IQSEC2: variants seen among roughly 807,000 people sequenced by gnomAD.
The protein encoded by IQSEC2 is IQ motif and Sec7 domain ArfGEF 2.
In IQSEC2, 6 loss-of-function variants were observed where a neutral mutation model predicts 74.6. That is an observed-to-expected ratio of 0.08 (90% CI 0.04 to 0.16). The LOEUF is 0.16. Among genes scored for constraint, IQSEC2 ranks in the 10% least tolerant of loss-of-function variants. IQSEC2 has a pLI of 1.00. For missense variants in IQSEC2, 734 were observed against 1,306.2 expected (o/e 0.56, Z 6.75); for synonymous variants, 494 against 544.5 (o/e 0.91, Z 1.29).
rs781894267 is a variant in IQSEC2 at position 53,270,923 on chromosome X, C to G, written c.738-14862G>C. The stretch of plus-strand genomic sequence containing the variant: ...CTCTATGCCCACGACCTTGGCTTCT[C>G]TCTCCCTTGGATTACTGCATAGCCT... On this transcript the variant is annotated intron_variant, in intron 2 of 14. Coordinates refer to ENST00000642864, the MANE Select transcript of IQSEC2 (RefSeq NM_001111125.3). Among the ~76,000 whole-genome samples, 5 of 111,534 alleles carry G rather than the reference C, an allele frequency of 4.5e-5. No individual in the cohort carries two copies. In the East Asian group the frequency reaches 1.4e-3, roughly 31 times the overall value.
intron 2 of IQSEC2, among the ~76,000 whole-genome samples, chrX:53,269,590 CCT>C (rs2147195291): frequency 9.0e-6 from 1 of 110,617 alleles, no homozygotes; most frequent in African/African-American, 3.3e-5. Flanking sequence ...CCCACATCCC[CCT>C]CTGTCCCTCT....
chrX:53,303,544 T>C (rs2075231812), intron 1 of IQSEC2, among the ~76,000 whole-genome samples: 1 of 111,409 alleles, frequency 9.0e-6, no homozygotes, highest in Non-Finnish European at 1.9e-5. Context: ...TTCACATCTG[T>C]AATCCCAGCT....
rs375300215 is a variant in IQSEC2 at position 53,248,085 on chromosome X, G to T, written c.2582+29C>A. ...ACGTCGATGCCCACAGGAGGGAGGGGCAGCTTCGCGAGTGGGAGGTAGGCA... is the reference window on the plus strand; with the variant it reads ...ACGTCGATGCCCACAGGAGGGAGGGTCAGCTTCGCGAGTGGGAGGTAGGCA... On this transcript the variant is annotated intron_variant, in intron 7 of 14. Transcript: ENST00000642864. 32 of 1,207,845 alleles carry T rather than the reference G, an allele frequency of 2.6e-5. No individual in the cohort carries two copies. The African/African-American group carries it at 3.9e-4, about 15-fold the overall frequency.
intron 3 of IQSEC2, among the ~76,000 whole-genome samples, chrX:53,255,289 G>C (rs1261505422): frequency 1.8e-5 from 2 of 111,164 alleles, no homozygotes; most frequent in African/African-American, 3.3e-5. Flanking sequence ...GAGAGAGAAA[G>C]GCAGAGAAGG....
intron 1 of IQSEC2, among the ~76,000 whole-genome samples, chrX:53,301,298 A>C (rs1275774424): frequency 1.2e-4 from 13 of 111,667 alleles, no homozygotes; most frequent in African/African-American, 4.2e-4. Flanking sequence ...TTCCCTGCAA[A>C]GCAGGACCTA....
At chrX:53,253,858 TATACA>T (rs1569304625) in intron 4 of IQSEC2, among the ~76,000 whole-genome samples, 2 of 111,901 alleles carry the variant, frequency 1.8e-5, no homozygotes, top group Non-Finnish European at 3.8e-5. Flanking sequence ...CTGTGAGGCA[TATACA>T]GCACTGGCAC....
downstream of IQSEC2, chrX:53,232,783 T>C (rs1388746923): frequency 8.9e-6 from 1 of 112,713 alleles, no homozygotes; most frequent in Non-Finnish European, 1.9e-5. Context: ...CCTGAATTTC[T>C]ACCATTAGCG....
intron 2 of IQSEC2, chrX:53,266,271 C>T (rs2074654854): frequency 1.9e-6 from 1 of 536,678 alleles, no homozygotes; most frequent in Non-Finnish European, 2.3e-6. Flanking sequence ...AAGGCAAGGC[C>T]CTGGTGGGGA....
At chrX:53,266,487 G>A (rs2074658491) in intron 2 of IQSEC2, 1 of 757,898 alleles carries the variant, frequency 1.3e-6, no homozygotes, top group Non-Finnish European at 1.6e-6. Flanking sequence ...AATGGCCACA[G>A]CAAGGGAACA....
At chrX:53,304,563 T>A (rs2075242087) in intron 1 of IQSEC2, among the ~76,000 whole-genome samples, 1 of 112,504 alleles carries the variant, frequency 8.9e-6, no homozygotes, top group South Asian at 3.7e-4. Flanking sequence ...GAAATATTTG[T>A]CTATCACTTT....
At chrX:53,314,521 T>C (rs940406869) in intron 1 of IQSEC2, among the ~76,000 whole-genome samples, 5 of 110,661 alleles carry the variant, frequency 4.5e-5, no homozygotes, top group African/African-American at 1.6e-4. Context: ...CAAACAGACA[T>C]AGGAGAGGTA....
chrX:53,266,756 A>G, intron 2 of IQSEC2: 1 of 985,552 alleles, frequency 1.0e-6, no homozygotes, highest in Non-Finnish European at 1.3e-6. Context: ...GCTCTCTTTA[A>G]TTCAGGGGCT....
chrX:53,317,796 C>A lies in IQSEC2; in HGVS notation c.707+2621G>T, dbSNP rs60846554. Among the ~76,000 whole-genome samples, 193 of 112,783 alleles carry A rather than the reference C, an allele frequency of 1.7e-3. 2 individuals carry two copies. Among genetic ancestry groups the A allele is most frequent in the African/African-American group, 5.9e-3 (183 of 31,108 alleles). On this transcript the variant is annotated intron_variant, in intron 1 of 14. Coordinates refer to ENST00000642864, the MANE Select transcript of IQSEC2 (RefSeq NM_001111125.3). The stretch of plus-strand genomic sequence containing the variant: ...CGGCTTCTCACCCACTCCTTACAAA[C>A]CCAGAACAGACCTAGCAGGGGAGTC...
intron 1 of IQSEC2, among the ~76,000 whole-genome samples, chrX:53,293,630 C>T (rs1272436367): frequency 3.6e-5 from 4 of 111,372 alleles, no homozygotes; most frequent in Non-Finnish European, 5.7e-5. Context: ...AACACTAACC[C>T]TCTGCTCTAG....
In IQSEC2 at chrX:53,234,948, ATGG is replaced by A. The variant is rs782189881; in HGVS notation, c.3735_3737del (p.His1247del). 88 of 1,149,281 alleles carry A rather than the reference ATGG, an allele frequency of 7.7e-5. No homozygotes were observed. The highest frequency in any genetic ancestry group is 2.5e-4 in the Middle Eastern group (1 of 4,060). 94.7% of individuals were successfully genotyped at this position (1,149,281 alleles called of 1,213,427 possible). ...CCAGGCCACCGTGGCTATGGCCATGATGGTGGTGGTGGTGGTGGTGGTGCGTGG... is the reference window on the plus strand; with the variant it reads ...CCAGGCCACCGTGGCTATGGCCATGATGGTGGTGGTGGTGGTGGTGCGTGG... On this transcript the variant is annotated inframe_deletion, in exon 15 of 15. Coordinates refer to ENST00000642864, the MANE Select transcript of IQSEC2 (RefSeq NM_001111125.3).
chrX:53,288,466 C>T lies in IQSEC2; in HGVS notation c.737+3429G>A, dbSNP rs201543997. Among the ~76,000 whole-genome samples, 13 of 106,595 alleles carry T rather than the reference C, an allele frequency of 1.2e-4. No individual in the cohort carries two copies. The East Asian group carries it at 3.3e-3, about 27-fold the overall frequency. 92.6% of individuals were successfully genotyped at this position (106,595 alleles called of 115,157 possible). A position where few individuals can be genotyped will look rare whatever the true frequency, so the allele number is the denominator to read the frequency against. The stretch of plus-strand genomic sequence containing the variant: ...GCGTGCCTAGCAACCCCAGCCTGGT[C>T]CCCAGGGCCAACAAGTTCAGGCTGA... On this transcript the variant is annotated intron_variant, in intron 2 of 14. Transcript: ENST00000642864.
chrX:53,308,401 C>T (rs1556877242), intron 1 of IQSEC2, among the ~76,000 whole-genome samples: 1 of 109,979 alleles, frequency 9.1e-6, no homozygotes, highest in African/African-American at 3.3e-5. Flanking sequence ...CCTGGGAGTA[C>T]AAAGGTTGTG....
chrX:53,304,311 T>A (rs782342076), intron 1 of IQSEC2, among the ~76,000 whole-genome samples: 1 of 111,585 alleles, frequency 9.0e-6, no homozygotes, highest in Admixed American at 9.6e-5. Context: ...ATAGGACAAA[T>A]CAGAAAGCTT....
At chrX:53,241,414 A>T (rs1480252743) in intron 10 of IQSEC2, among the ~76,000 whole-genome samples, 1 of 111,737 alleles carries the variant, frequency 8.9e-6, no homozygotes, top group East Asian at 2.8e-4. Context: ...AGCCCACTTC[A>T]AGCATCTTGA....
Sources: allele counts gnomAD v4.1 joint callset (sites outside exome capture counted in the v4.1 genomes callset), GRCh38; gene constraint gnomAD v4.1.1; transcripts MANE v1.5; gene names NCBI Gene and HGNC (gene_info 2026-07-23, HGNC 2026-07-21).